The following MSI2 variants were observed in gnomAD, a reference collection of about 807,000 sequenced individuals.
MSI2 encodes the protein musashi RNA binding protein 2, also known as RNA-binding protein Musashi homolog 2.
In MSI2, 17 loss-of-function variants were observed where a neutral mutation model predicts 45.6. That is an observed-to-expected ratio of 0.37 (90% CI 0.26 to 0.56). MSI2 has a LOEUF of 0.56. MSI2 is among the 20% of genes least tolerant of loss of function. The pLI, the probability that MSI2 is intolerant of heterozygous loss-of-function variation, is 0.77. For missense variants in MSI2, 293 were observed against 444.2 expected (o/e 0.66, Z 3.06); for synonymous variants, 156 against 158.2 (o/e 0.99, Z 0.11).
At chr17:57,349,220 C>T (rs75205926) in intron 5 of MSI2, among the ~76,000 whole-genome samples, 1 of 152,210 alleles carries the variant, frequency 6.6e-6, no homozygotes, top group Non-Finnish European at 1.5e-5. Flanking sequence ...CCTCAGCTCA[C>T]TGCCTTCTCC....
At chr17:57,616,861 G>A (rs769835461) in intron 9 of MSI2, among the ~76,000 whole-genome samples, 3 of 152,176 alleles carry the variant, frequency 2.0e-5, no homozygotes, top group Non-Finnish European at 4.4e-5. Context: ...ATTTAAAGGC[G>A]AGAGAATGGT....
intron 5 of MSI2, among the ~76,000 whole-genome samples, chr17:57,377,087 A>G (rs1481950829): frequency 6.6e-6 from 1 of 151,952 alleles, no homozygotes; most frequent in African/African-American, 2.4e-5. Flanking sequence ...CGCCCAGCTA[A>G]TTTTTTGTAT....
At chr17:57,435,482 T>A (rs114654257) in intron 6 of MSI2, among the ~76,000 whole-genome samples, 4 of 152,164 alleles carry the variant, frequency 2.6e-5, no homozygotes, top group African/African-American at 9.7e-5. Context: ...TCAGTGTTTT[T>A]AAAGGTCACT....
Position 57,622,807 on chromosome 17 carries a change from T to G in MSI2, c.653-4422T>G, listed in dbSNP as rs553006679. 2.6e-4 allele frequency among the ~76,000 whole-genome samples: 40 copies of G among 152,302 alleles called. 1 individual carries two copies. The highest frequency in any genetic ancestry group is 9.4e-4 in the African/African-American group (39 of 41,562). On this transcript the variant is annotated intron_variant, in intron 9 of 13. Transcript: ENST00000284073. ...TCTGGCTTTCCCAAAAATATCTGTT[T>G]AGGTTATTCTCAAGGAAGTGTTCCT...
At chr17:57,597,562 G>A (rs1272575999) in intron 8 of MSI2, among the ~76,000 whole-genome samples, 2 of 151,520 alleles carry the variant, frequency 1.3e-5, no homozygotes, top group Middle Eastern at 3.2e-3. Context: ...GGAGGTTGAG[G>A]CTGCAGTGAG....
intron 6 of MSI2, among the ~76,000 whole-genome samples, chr17:57,489,280 G>A (rs2085819512): frequency 6.6e-6 from 1 of 152,178 alleles, no homozygotes; most frequent in South Asian, 2.1e-4. Flanking sequence ...GGGTCTGATG[G>A]AGCTTCTCAA....
chr17:57,383,945 C>G (rs1013606868), intron 5 of MSI2, among the ~76,000 whole-genome samples: 1 of 152,174 alleles, frequency 6.6e-6, no homozygotes, highest in African/African-American at 2.4e-5. Flanking sequence ...CTGATAGCTG[C>G]GTGTAGACTG....
In MSI2 at chr17:57,401,581, G is replaced by A. The variant is rs946654579; in HGVS notation, c.405+110G>A. 8.0e-5 allele frequency: 63 copies of A among 786,512 alleles called. 1 individual carries two copies. The highest frequency in any genetic ancestry group is 1.3e-4 in the Non-Finnish European group (59 of 462,868). 48.7% of individuals were successfully genotyped at this position (786,512 alleles called of 1,614,324 possible). ...CTACAGCTGTGTCCTCAAGAACCTT[G>A]TCCTTGAACCTGGCCATCATGATTT... On this transcript the variant is annotated intron_variant, in intron 6 of 13. Coordinates refer to ENST00000284073, the MANE Select transcript of MSI2 (RefSeq NM_138962.4).
chr17:57,512,177 C>T (rs746526253), intron 6 of MSI2, among the ~76,000 whole-genome samples: 17 of 152,164 alleles, frequency 1.1e-4, no homozygotes, highest in Admixed American at 2.0e-4. Context: ...GCACTGATGG[C>T]GCCTCTGTCC....
At chr17:57,374,986 A>G (rs771442081) in intron 5 of MSI2, among the ~76,000 whole-genome samples, 11 of 152,140 alleles carry the variant, frequency 7.2e-5, no homozygotes, top group Admixed American at 2.0e-4. Context: ...AACATTCCCC[A>G]TACAGATCGA....
At chr17:57,472,279 ACCTATGCTC>A (rs2085452830) in intron 6 of MSI2, among the ~76,000 whole-genome samples, 1 of 152,178 alleles carries the variant, frequency 6.6e-6, no homozygotes, top group African/African-American at 2.4e-5. Flanking sequence ...TGGCAGGCAC[ACCTATGCTC>A]AGTCCAGGGA....
chr17:57,652,630 G>A lies in MSI2; in HGVS notation c.790+469G>A, dbSNP rs1369533891. On this transcript the variant is annotated intron_variant, in intron 11 of 13. Transcript: ENST00000284073. The surrounding 1 kb of genome is among the most constrained non-coding windows in gnomAD (Gnocchi z 4.1). ...GTCTGGCTAAACCCCCAGAGCCCCT[G>A]AAAGCAGCCATGGGACCAGCCCTGG... Among the ~76,000 whole-genome samples, 1 of 152,176 alleles carries A rather than the reference G, an allele frequency of 6.6e-6. No individual in the cohort carries two copies. The highest frequency in any genetic ancestry group is 1.5e-5 in the Non-Finnish European group (1 of 68,032).
chr17:57,632,552 G>A (rs1362799734), intron 10 of MSI2: 2 of 1,066,994 alleles, frequency 1.9e-6, no homozygotes, highest in African/African-American at 1.6e-5. Flanking sequence ...GCCTGGCCTT[G>A]CCTGCTGGCA....
At chr17:57,624,311 G>A (rs780458560) in intron 9 of MSI2, among the ~76,000 whole-genome samples, 3 of 152,172 alleles carry the variant, frequency 2.0e-5, no homozygotes, top group Non-Finnish European at 4.4e-5. Flanking sequence ...CCATGACTTG[G>A]CTGTTTGCAT....
At chr17:57,484,918 T>C (rs1434355993) in intron 6 of MSI2, among the ~76,000 whole-genome samples, 3 of 152,218 alleles carry the variant, frequency 2.0e-5, no homozygotes, top group African/African-American at 7.2e-5. Context: ...CGGGGAAACA[T>C]GGTCTCACCT....
intron 5 of MSI2, among the ~76,000 whole-genome samples, chr17:57,350,712 G>A (rs898448573): frequency 2.6e-5 from 4 of 152,168 alleles, no homozygotes; most frequent in Non-Finnish European, 5.9e-5. Context: ...CTTGGTCTCT[G>A]AGCGCCTCCT....
At chr17:57,633,658 C>T (rs1909605359) in intron 10 of MSI2, among the ~76,000 whole-genome samples, 1 of 152,210 alleles carries the variant, frequency 6.6e-6, no homozygotes, top group Non-Finnish European at 1.5e-5. Context: ...GACCTGGTTT[C>T]CAGGTCCCAC....
intron 7 of MSI2, among the ~76,000 whole-genome samples, chr17:57,555,470 C>T (rs554084404): frequency 1.3e-3 from 194 of 152,280 alleles, no homozygotes; most frequent in Non-Finnish European, 2.0e-3. Context: ...GTTCCCTGCT[C>T]AGCGCAGCAG....
intron 10 of MSI2, chr17:57,630,417 C>G (rs1472903762): frequency 6.6e-6 from 1 of 152,280 alleles, no homozygotes; most frequent in African/African-American, 2.4e-5. Flanking sequence ...TCCCACCTTC[C>G]CACTCACTAT....
Sources: gnomAD v4.1 joint callset for allele counts (sites outside exome capture counted in the v4.1 genomes callset) on GRCh38, gnomAD v4.1.1 for gene constraint, Gnocchi (gnomAD v3.1) non-coding constraint, MANE v1.5 for transcripts, NCBI Gene and HGNC (gene_info 2026-07-23, HGNC 2026-07-21) for gene names.